The following RBMS2 variants were observed in gnomAD, a reference collection of about 807,000 sequenced individuals.
The protein encoded by RBMS2 is RNA-binding motif, single-stranded-interacting protein 2.
Under a neutral mutation model 58.4 loss-of-function variants are expected in RBMS2, and 38 were observed. That is an observed-to-expected ratio of 0.65 (90% CI 0.50 to 0.85). The LOEUF is 0.85. RBMS2 is among the 40% of genes least tolerant of loss of function. The pLI, the probability that RBMS2 is intolerant of heterozygous loss-of-function variation, is 0.00. For missense variants in RBMS2, 367 were observed against 503.7 expected (o/e 0.73, Z 2.60); for synonymous variants, 151 against 180.7 (o/e 0.84, Z 1.32).
At chr12:56,571,313 G>A (rs1009574002) in intron 4 of RBMS2, among the ~76,000 whole-genome samples, 2 of 152,150 alleles carry the variant, frequency 1.3e-5, no homozygotes, top group African/African-American at 2.4e-5. Context: ...AGGATTCTGC[G>A]TGGCTGGAAG....
At chr12:56,520,733 A>AT (rs529985360), upstream of RBMS2, among the ~76,000 whole-genome samples, 221 of 147,570 alleles carry the variant, frequency 1.5e-3, no homozygotes, top group African/African-American at 2.3e-3. Context: ...CTTCTTAAGT[A>AT]TTTTTTTTTT....
chr12:56,572,694 C>T, intron 5 of RBMS2: 2 of 755,644 alleles, frequency 2.6e-6, no homozygotes, highest in South Asian at 1.2e-4. Context: ...AATGATTTGC[C>T]CAGGGTCTTA....
intron 2 of RBMS2, among the ~76,000 whole-genome samples, chr12:56,565,597 C>G (rs1338144278): frequency 6.6e-6 from 1 of 152,076 alleles, no homozygotes; most frequent in Non-Finnish European, 1.5e-5. Context: ...TGTGGAGAGG[C>G]AGGAGTGAGG....
intron 1 of RBMS2, among the ~76,000 whole-genome samples, chr12:56,532,422 A>C (rs993247607): frequency 5.3e-5 from 8 of 151,864 alleles, no homozygotes; most frequent in African/African-American, 1.7e-4. Context: ...CATGCCTGTA[A>C]TCCCAGATAC....
intron 5 of RBMS2, among the ~76,000 whole-genome samples, chr12:56,579,909 G>C (rs1036233435): frequency 6.6e-6 from 1 of 151,866 alleles, no homozygotes; most frequent in East Asian, 1.9e-4. Context: ...TAGATCAGAG[G>C]GGTTTTTTTG....
intron 1 of RBMS2, 128 bp downstream of exon 1, chr12:56,522,217 G>C (rs1256607350): frequency 5.7e-6 from 4 of 707,350 alleles, no homozygotes; most frequent in Non-Finnish European, 6.9e-6. Context: ...ATTCCTCACC[G>C]CGCTTCTCCC....
intron 1 of RBMS2, among the ~76,000 whole-genome samples, chr12:56,544,844 T>A (rs970298391): frequency 6.9e-6 from 1 of 145,530 alleles, no homozygotes; most frequent in African/African-American, 2.5e-5. Flanking sequence ...TCCACCTGCC[T>A]CACACTACCA....
intron 1 of RBMS2, among the ~76,000 whole-genome samples, chr12:56,535,494 C>A (rs1020476394): frequency 0.019 from 1,823 of 96,444 alleles, no homozygotes; most frequent in South Asian, 0.027. Context: ...GACTCCATCT[C>A]AAAAAAAAAA....
At chr12:56,560,622 T>G (rs1274207108) in intron 1 of RBMS2, among the ~76,000 whole-genome samples, 3 of 152,028 alleles carry the variant, frequency 2.0e-5, no homozygotes, top group African/African-American at 4.8e-5. Flanking sequence ...CTCAAACTCA[T>G]GGGTTCAAGC....
intron 12 of RBMS2, chr12:56,588,641 G>A (rs1173988551): frequency 2.9e-5 from 17 of 587,784 alleles, no homozygotes; most frequent in Non-Finnish European, 3.9e-5. Context: ...AACAGCAGAT[G>A]TAGGAAAGAA....
At chr12:56,545,600 GC>G (rs34557427) in intron 1 of RBMS2, among the ~76,000 whole-genome samples, 1 of 152,024 alleles carries the variant, frequency 6.6e-6, no homozygotes, top group South Asian at 2.1e-4. Flanking sequence ...CTCTCCCATT[GC>G]CCTAAGTAGT....
rs922616368 is a variant in RBMS2, at chr12:56,553,105, C to T, written c.67-9312C>T. 6.6e-5 allele frequency among the ~76,000 whole-genome samples: 10 copies of T among 151,214 alleles called. No individual in the cohort carries two copies. The East Asian group carries it at 1.2e-3, about 18-fold the overall frequency. On this transcript the variant is annotated intron_variant, in intron 1 of 13. Coordinates refer to ENST00000262031, the MANE Select transcript of RBMS2 (RefSeq NM_002898.4). The stretch of plus-strand genomic sequence containing the variant: ...CTAATTTTTGTATTTTTAGCAGAGA[C>T]GGGGTTTCACTATGTTGGCCAAGCT...
In RBMS2 at chr12:56,542,480, TAA is replaced by T. The variant is rs773537398; in HGVS notation, c.67-19933_67-19932del. Among the ~76,000 whole-genome samples, 75 of 146,148 alleles carry T rather than the reference TAA, an allele frequency of 5.1e-4. 1 individual carries two copies. Among genetic ancestry groups the T allele is most frequent in the African/African-American group, 1.8e-3 (73 of 39,700 alleles). On this transcript the variant is annotated intron_variant, in intron 1 of 13. Transcript: ENST00000262031. Reference sequence around the variant, plus strand: ...ATTTAAAGTATGGGTTTTTTTTTTTTAAAAATGGGGCTTATAGTTAACGAAAA... The same window carrying T: ...ATTTAAAGTATGGGTTTTTTTTTTTTAAATGGGGCTTATAGTTAACGAAAA...
chr12:56,577,460 ATT>A (rs2136522690), intron 5 of RBMS2, among the ~76,000 whole-genome samples: 1 of 109,210 alleles, frequency 9.2e-6, no homozygotes, highest in South Asian at 2.8e-4. Flanking sequence ...ATACAAAATT[ATT>A]ATTATTATTA....
intron 1 of RBMS2, among the ~76,000 whole-genome samples, chr12:56,555,535 G>A (rs973712577): frequency 1.3e-5 from 2 of 151,422 alleles, no homozygotes; most frequent in African/African-American, 2.4e-5. Flanking sequence ...TGGGAGGATT[G>A]TTTGAGGCTA....
chr12:56,561,763 C>T (rs1356028536), intron 1 of RBMS2, among the ~76,000 whole-genome samples: 1 of 38,454 alleles, frequency 2.6e-5, no homozygotes, highest in East Asian at 1.8e-3. Flanking sequence ...GATCCACCCC[C>T]CCCCTCCTTG....
chr12:56,542,002 T>G (rs1876176868), intron 1 of RBMS2, among the ~76,000 whole-genome samples: 1 of 152,146 alleles, frequency 6.6e-6, no homozygotes, highest in East Asian at 1.9e-4. Flanking sequence ...GATACAAGAT[T>G]CTCTTGATTG....
chr12:56,569,112 A>G, intron 3 of RBMS2, 79 bp downstream of exon 3: 1 of 1,277,464 alleles, frequency 7.8e-7, no homozygotes, highest in African/African-American at 1.5e-5. Flanking sequence ...TACTGCTGAG[A>G]GTCCTGAGTC....
At chr12:56,534,623 G>A (rs1476540555) in intron 1 of RBMS2, among the ~76,000 whole-genome samples, 1 of 152,044 alleles carries the variant, frequency 6.6e-6, no homozygotes, top group African/African-American at 2.4e-5. Context: ...AGTGACTCAT[G>A]TTATTAAGTA....
Sources: allele counts gnomAD v4.1 joint callset (sites outside exome capture counted in the v4.1 genomes callset), GRCh38; gene constraint gnomAD v4.1.1; transcripts MANE v1.5; gene names NCBI Gene and HGNC (gene_info 2026-07-23, HGNC 2026-07-21).